ACBD7: variants seen among roughly 807,000 people sequenced by gnomAD.
The protein encoded by ACBD7 is acyl-CoA-binding domain-containing protein 7.
Under a neutral mutation model 13.7 loss-of-function variants are expected in ACBD7, and 11 were observed. The observed-to-expected ratio is 0.80, with a 90% CI of 0.50 to 1.33. ACBD7 has a LOEUF of 1.33. Among genes scored for constraint, ACBD7 ranks in the 40% most tolerant of loss-of-function variants. The probability of loss-of-function intolerance (pLI) is 0.00; values close to 1 mark genes in which losing one functional copy is unlikely to be tolerated. For missense variants in ACBD7, 111 were observed against 103.0 expected, an observed-to-expected ratio of 1.08 and a Z score of -0.33; for synonymous variants, 43 against 37.7, an observed-to-expected ratio of 1.14 and a Z score of -0.51.
chr10:15,088,476 T>C lies in ACBD7; in HGVS notation c.12+241A>G, dbSNP rs1467449874. ...CTCCGTGCTCCCCGGCGCTCCTGCC[T>C]TGCCTGCTTTTCCGCTCACCCGGCC... is the stretch of plus-strand genomic sequence containing the variant. On this transcript the variant is annotated intron_variant, in intron 1 of 3. Transcript: ENST00000356189. 8.8e-6 allele frequency: 5 copies of C among 565,848 alleles called. No individual in the cohort carries two copies. The East Asian group carries it at 1.7e-4, about 19-fold the overall frequency. 35.1% of individuals were successfully genotyped at this position (565,848 alleles called of 1,614,324 possible). A position where few individuals can be genotyped will look rare whatever the true frequency, so the allele number is the denominator to read the frequency against.
chr10:15,086,220 T>C (rs1033263539), intron 1 of ACBD7, among the ~76,000 whole-genome samples: 4 of 151,946 alleles, frequency 2.6e-5, no homozygotes, highest in East Asian at 3.9e-4. Context: ...GGCAGGAGAA[T>C]TGCTTGAATC....
intron 1 of ACBD7, among the ~76,000 whole-genome samples, chr10:15,086,978 A>T (rs1844816628): frequency 6.7e-6 from 1 of 148,606 alleles, no homozygotes. Context: ...GCGCCATTGC[A>T]CTCCAGCCTG....
rs1330129048 is a variant in ACBD7, at chr10:15,077,559, T to C, written c.*971A>G. 1.3e-5 allele frequency: 2 copies of C among 151,986 alleles called. No individual in the cohort carries two copies. Among genetic ancestry groups the C allele is most frequent in the African/African-American group, 4.8e-5 (2 of 41,372 alleles). The allele number at this position is 151,986 out of a possible 1,614,324, so 9.4% of individuals were successfully genotyped here. A position where few individuals can be genotyped will look rare whatever the true frequency, so the allele number is the denominator to read the frequency against. On this transcript the variant is annotated 3_prime_UTR_variant, in exon 4 of 4. Transcript: ENST00000356189. ...GATGGTTACACTAAAAGCCCAGATT[T>C]CCCCACTACACAATATATCCATGTA...
intron 1 of ACBD7, among the ~76,000 whole-genome samples, chr10:15,087,986 C>T (rs1026921255): frequency 7.9e-5 from 12 of 152,034 alleles, no homozygotes; most frequent in Non-Finnish European, 1.2e-4. Flanking sequence ...ACCTGGGCAA[C>T]AGAATGAGAC....
intron 1 of ACBD7, among the ~76,000 whole-genome samples, chr10:15,088,094 C>A (rs1589262843): frequency 6.7e-6 from 1 of 150,198 alleles, no homozygotes; most frequent in Non-Finnish European, 1.5e-5. Context: ...AAACTATATA[C>A]ACAATAACAT....
At chr10:15,088,669 C>A (rs766511250) in intron 1 of ACBD7, 48 bp downstream of exon 1, 1 of 1,586,948 alleles carries the variant, frequency 6.3e-7, no homozygotes, top group Admixed American at 1.7e-5. Context: ...CTTAAGCACT[C>A]CCCTCGCGGA....
At position 15,076,386 on chromosome 10, in the gene ACBD7, G is replaced by A; in HGVS notation, c.*2144C>T. ...ACAGTAGTGGTACAGTTTATCACTA[G>A]ATACATTTTAGTTTGCCTTTTTGTC... On this transcript the variant is annotated 3_prime_UTR_variant, in exon 4 of 4. Transcript: ENST00000356189. 1 of 984,856 alleles carries A rather than the reference G, an allele frequency of 1.0e-6. No homozygotes were observed. Among genetic ancestry groups the A allele is most frequent in the Non-Finnish European group, 1.2e-6 (1 of 829,562 alleles). The allele number at this position is 984,856 out of a possible 1,614,324, so 61.0% of individuals were successfully genotyped here.
Position 15,078,446 on chromosome 10 carries a change from T to A in ACBD7, c.*84A>T. The A allele has an allele frequency of 6.2e-7, 1 of 1,604,696 alleles. No homozygotes were observed. Among genetic ancestry groups the A allele is most frequent in the Non-Finnish European group, 8.5e-7 (1 of 1,176,208 alleles). On this transcript the variant is annotated 3_prime_UTR_variant, in exon 4 of 4. Coordinates refer to ENST00000356189, the MANE Select transcript of ACBD7 (RefSeq NM_001039844.3). Reference sequence around the variant, plus strand: ...CAAAAATATACATGATACATCAAGTTAACAGTATGCCTCTCCCTCTAAATG... The same window carrying A: ...CAAAAATATACATGATACATCAAGTAAACAGTATGCCTCTCCCTCTAAATG...
chr10:15,081,143 A>G (rs544172600), intron 1 of ACBD7, among the ~76,000 whole-genome samples: 31 of 152,314 alleles, frequency 2.0e-4, no homozygotes, highest in Admixed American at 2.0e-4. Flanking sequence ...GCAGGCCTCC[A>G]TAACAACCGT....
chr10:15,088,489 C>G (rs1158353003), intron 1 of ACBD7: 1 of 599,242 alleles, frequency 1.7e-6, no homozygotes, highest in Non-Finnish European at 2.7e-6. Flanking sequence ...CCTGCTTTTC[C>G]GCTCACCCGG....
chr10:15,083,511 T>C (rs1844773080), intron 1 of ACBD7, among the ~76,000 whole-genome samples: 1 of 152,216 alleles, frequency 6.6e-6, no homozygotes, highest in Admixed American at 6.5e-5. Flanking sequence ...TGAGACAGTC[T>C]CGCTCTGTTG....
In ACBD7 at chr10:15,077,772, C is replaced by G. The variant is rs893109607; in HGVS notation, c.*758G>C. The G allele has an allele frequency of 6.6e-6, 1 of 152,236 alleles. No homozygotes were observed. The highest frequency in any genetic ancestry group is 1.5e-5 in the Non-Finnish European group (1 of 68,140). 9.4% of individuals were successfully genotyped at this position (152,236 alleles called of 1,614,324 possible). On this transcript the variant is annotated 3_prime_UTR_variant, in exon 4 of 4. Coordinates refer to ENST00000356189, the MANE Select transcript of ACBD7 (RefSeq NM_001039844.3). ...CCTGTAATCCCAGCTACTCGGGAGG[C>G]TGAGGCAAGAGAATCACTTGAACCC...
rs371795786 is a variant in ACBD7 at position 15,078,407 on chromosome 10, G to A, written c.*123C>T. On this transcript the variant is annotated 3_prime_UTR_variant, in exon 4 of 4. Coordinates refer to ENST00000356189, the MANE Select transcript of ACBD7 (RefSeq NM_001039844.3). ...TTTCAGTATACTTCTAAGTACTACAGCTCATGCTAATAGCAAAAATATACA... is the reference window on the plus strand; with the variant it reads ...TTTCAGTATACTTCTAAGTACTACAACTCATGCTAATAGCAAAAATATACA... 108 of 1,573,138 alleles carry A rather than the reference G, an allele frequency of 6.9e-5. No homozygotes were observed. The African/African-American group carries it at 1.3e-3, about 18-fold the overall frequency.
intron 1 of ACBD7, among the ~76,000 whole-genome samples, chr10:15,080,150 A>C (rs1321801862): frequency 6.6e-6 from 1 of 151,952 alleles, no homozygotes; most frequent in Non-Finnish European, 1.5e-5. Flanking sequence ...TCCACACTAG[A>C]CCTAAATTAT....
intron 2 of ACBD7, 60 bp from the exon 3 acceptor site, chr10:15,078,813 CA>C: frequency 6.4e-7 from 1 of 1,552,692 alleles, no homozygotes. Context: ...CTTCTATAGA[CA>C]TTGTTCAAAC....
chr10:15,084,044 G>A (rs150359126), intron 1 of ACBD7, among the ~76,000 whole-genome samples: 9 of 152,296 alleles, frequency 5.9e-5, no homozygotes, highest in African/African-American at 2.2e-4. Context: ...TAGCACAGAC[G>A]GGAAGGTACG....
In ACBD7 at chr10:15,077,204, G is replaced by A. The variant is rs928531911; in HGVS notation, c.*1326C>T. 2.0e-5 allele frequency among the ~76,000 whole-genome samples: 3 copies of A among 152,148 alleles called. No homozygotes were observed. The South Asian group carries it at 6.2e-4, about 32-fold the overall frequency. On this transcript the variant is annotated 3_prime_UTR_variant, in exon 4 of 4. Coordinates refer to ENST00000356189, the MANE Select transcript of ACBD7 (RefSeq NM_001039844.3). ...TCAACCTAAGTATCCATCAGCAGAT[G>A]ATGGGATAAAGAAAACGTTGTATAT...
chr10:15,079,065 C>CA (rs747454646), intron 1 of ACBD7, 25 bp from the exon 2 acceptor site: 1 of 1,527,330 alleles, frequency 6.5e-7, no homozygotes, highest in Admixed American at 1.8e-5. Context: ...AACAAACAAA[C>CA]AAAAGGAGCA....
At chr10:15,079,928 C>T (rs1207991898) in intron 1 of ACBD7, among the ~76,000 whole-genome samples, 2 of 148,466 alleles carry the variant, frequency 1.3e-5, no homozygotes, top group African/African-American at 5.0e-5. Flanking sequence ...GAAGGTTTCT[C>T]AATCACCTCG....
Sources: allele counts gnomAD v4.1 joint callset (sites outside exome capture counted in the v4.1 genomes callset), GRCh38; gene constraint gnomAD v4.1.1; transcripts MANE v1.5; gene names NCBI Gene and HGNC (gene_info 2026-07-23, HGNC 2026-07-21).